The following CACNA1D variants were observed in gnomAD, a reference collection of about 807,000 sequenced individuals.
CACNA1D encodes the protein calcium voltage-gated channel subunit alpha1 D.
In CACNA1D, 55 loss-of-function variants were observed where a neutral mutation model predicts 257.1. That is an observed-to-expected ratio of 0.21 (90% CI 0.17 to 0.27). The LOEUF is 0.27. Ranked by LOEUF, CACNA1D falls within the 10% of genes least tolerant of loss-of-function variation. The probability of loss-of-function intolerance (pLI) is 1.00; values close to 1 mark genes in which losing one functional copy is unlikely to be tolerated. For synonymous variants in CACNA1D, 980 were observed against 1,014.9 expected, an observed-to-expected ratio of 0.97 and a Z score of 0.65; for missense variants, 1,876 against 2,784.0, an observed-to-expected ratio of 0.67 and a Z score of 7.34.
chr3:53,602,906 T>A (rs1029208554), intron 3 of CACNA1D, among the ~76,000 whole-genome samples: 2 of 152,272 alleles, frequency 1.3e-5, no homozygotes, highest in African/African-American at 4.8e-5. Context: ...CATTACCTAT[T>A]CACTTTGTTG....
At chr3:53,718,636 C>G in intron 10 of CACNA1D, 3 of 1,456,916 alleles carry the variant, frequency 2.1e-6, no homozygotes, top group Non-Finnish European at 1.9e-6. Context: ...AAGTAGAGCC[C>G]GTGAAGAATG....
At chr3:53,775,740 G>A (rs2095393717) in intron 34 of CACNA1D, 146 bp from the exon 35 acceptor site, 1 of 828,948 alleles carries the variant, frequency 1.2e-6, no homozygotes, top group East Asian at 2.4e-5. Context: ...AAAATCAGTA[G>A]GAATTTCACA....
At chr3:53,731,201 T>C in intron 17 of CACNA1D, 55 bp downstream of exon 17, 1 of 1,076,934 alleles carries the variant, frequency 9.3e-7, no homozygotes, top group Non-Finnish European at 1.4e-6. Flanking sequence ...CCTGTTGATC[T>C]CCATACATGT....
At chr3:53,642,020 A>G (rs1207052677) in intron 3 of CACNA1D, among the ~76,000 whole-genome samples, 1 of 152,180 alleles carries the variant, frequency 6.6e-6, no homozygotes. Flanking sequence ...AGGTGACAAA[A>G]ACTGAACCCA....
At chr3:53,517,022 C>T (rs1406782433) in intron 3 of CACNA1D, among the ~76,000 whole-genome samples, 5 of 152,254 alleles carry the variant, frequency 3.3e-5, no homozygotes, top group African/African-American at 7.2e-5. Flanking sequence ...AACTTTACTT[C>T]GTTGTGACCC....
intron 3 of CACNA1D, among the ~76,000 whole-genome samples, chr3:53,539,098 C>A (rs1411149657): frequency 6.6e-6 from 1 of 151,726 alleles, no homozygotes; most frequent in Non-Finnish European, 1.5e-5. Flanking sequence ...GATCATGCTT[C>A]CTGAATTTTT....
intron 8 of CACNA1D, among the ~76,000 whole-genome samples, chr3:53,677,330 T>G (rs1034170823): frequency 1.3e-5 from 2 of 152,242 alleles, no homozygotes; most frequent in Non-Finnish European, 2.9e-5. Context: ...CCGCGTTCAC[T>G]CTGGGACTTC....
chr3:53,676,344 G>C (rs186008977), intron 8 of CACNA1D, among the ~76,000 whole-genome samples: 74 of 151,230 alleles, frequency 4.9e-4, no homozygotes, highest in South Asian at 8.4e-4. Flanking sequence ...TGATATTTTT[G>C]TTGTTGTTTA....
intron 19 of CACNA1D, 113 bp downstream of exon 19, chr3:53,733,075 C>A: frequency 1.0e-6 from 1 of 996,832 alleles, no homozygotes; most frequent in Non-Finnish European, 1.5e-6. Context: ...CCTTTCTGAA[C>A]CTGAGTGTCC....
chr3:53,631,012 A>C (rs1377956844), intron 3 of CACNA1D, among the ~76,000 whole-genome samples: 1 of 152,232 alleles, frequency 6.6e-6, no homozygotes, highest in African/African-American at 2.4e-5. Context: ...GCAGGTCATA[A>C]TCTTTTTGGT....
At position 53,501,637 on chromosome 3, in the gene CACNA1D, T is replaced by C. The variant is rs1225836987; in HGVS notation, c.400T>C (p.Leu134=). 21 of 1,578,712 alleles carry C rather than the reference T, an allele frequency of 1.3e-5. No homozygotes were observed. Among genetic ancestry groups the C allele is most frequent in the Non-Finnish European group, 1.8e-5 (21 of 1,148,538 alleles). ...CAGACCATTTGACATATTTATATTATTGGCTATTTTTGCCAATTGTGTGGC... is the reference window on the plus strand; with the variant it reads ...CAGACCATTTGACATATTTATATTACTGGCTATTTTTGCCAATTGTGTGGC... ...EWKPFDIFIL[L]AIFANCVALA... Residue 134 remains leucine (L), a synonymous_variant, in exon 3 of 48, where the codon TTG becomes CTG. Coordinates refer to ENST00000350061, the MANE Select transcript of CACNA1D (RefSeq NM_001128840.3).
At chr3:53,663,110 G>A (rs1054485803) in intron 5 of CACNA1D, among the ~76,000 whole-genome samples, 2 of 152,148 alleles carry the variant, frequency 1.3e-5, no homozygotes, top group African/African-American at 4.8e-5. Context: ...TTGTAGCAAG[G>A]CAGGGTCGTG....
At chr3:53,730,939 T>G (rs1032388740) in intron 16 of CACNA1D, 138 bp from the exon 17 acceptor site, 9 of 661,360 alleles carry the variant, frequency 1.4e-5, no homozygotes, top group Non-Finnish European at 2.4e-5. Context: ...TGGGTTGTGC[T>G]AGGCTCTTGT....
rs528343145 is a variant in CACNA1D at position 53,800,490 on chromosome 3, G to A, written c.5040+125G>A. On this transcript the variant is annotated intron_variant, in intron 41 of 47. Transcript: ENST00000350061. This position sits in a 1 kb window ranked among gnomAD's most constrained non-coding sequence, Gnocchi z 4.3. Reference sequence around the variant, plus strand: ...CAGCCCATCCCCAGGGCCTAGAGGGGCTTTCAGACCACACCCTCCCCCTCT... The same window carrying A: ...CAGCCCATCCCCAGGGCCTAGAGGGACTTTCAGACCACACCCTCCCCCTCT... 8 of 782,496 alleles carry A rather than the reference G, an allele frequency of 1.0e-5. No homozygotes were observed. The highest frequency in any genetic ancestry group is 9.8e-5 in the East Asian group (4 of 40,886). 48.5% of individuals were successfully genotyped at this position (782,496 alleles called of 1,614,324 possible). A position where few individuals can be genotyped will look rare whatever the true frequency, so the allele number is the denominator to read the frequency against.
rs35146621 is a variant in CACNA1D, at chr3:53,772,790, G to A, written c.4045-43G>A. ...CTCAGGCTGTGGCGGGCCGTCACGG[G>A]GACAGCCGGCTGGTGCTGAGCCAAG... is the stretch of plus-strand genomic sequence containing the variant. On this transcript the variant is annotated intron_variant, in intron 32 of 47. Transcript: ENST00000350061. The A allele has an allele frequency of 0.25, 377,624 of 1,528,090 alleles. 49,345 individuals are homozygous for A. The highest frequency in any genetic ancestry group is 0.32 in the Middle Eastern group (1,907 of 5,910). The allele number at this position is 1,528,090 out of a possible 1,614,324, so 94.7% of individuals were successfully genotyped here. A position where few individuals can be genotyped will look rare whatever the true frequency, so the allele number is the denominator to read the frequency against.
At position 53,755,098 on chromosome 3, in the gene CACNA1D, G is replaced by C. The variant is rs190155141; in HGVS notation, c.3786+1416G>C. ...TTAATTTCCTTTGAGATTTTGGTTT[G>C]CTTCCCTCTCACCTTTACTTCTTTG... On this transcript the variant is annotated intron_variant, in intron 29 of 47. Coordinates refer to ENST00000350061, the MANE Select transcript of CACNA1D (RefSeq NM_001128840.3). Among the ~76,000 whole-genome samples, 657 of 152,192 alleles carry C rather than the reference G, an allele frequency of 4.3e-3. 4 individuals are homozygous for C. The highest frequency in any genetic ancestry group is 8.3e-3 in the Non-Finnish European group (567 of 68,006).
chr3:53,621,780 C>T (rs1412453881), intron 3 of CACNA1D, among the ~76,000 whole-genome samples: 3 of 151,998 alleles, frequency 2.0e-5, no homozygotes, highest in South Asian at 2.1e-4. Context: ...AATAAACAAG[C>T]GAGCGATTTT....
chr3:53,730,245 C>CTTTTGTTTTG (rs139366806), intron 15 of CACNA1D, among the ~76,000 whole-genome samples, 197 bp from the exon 16 acceptor site: 25 of 151,290 alleles, frequency 1.7e-4, no homozygotes, highest in African/African-American at 5.8e-4. Context: ...CAGGTTTTTA[C>CTTTTGTTTTG]TTTTGTTTTG....
intron 3 of CACNA1D, among the ~76,000 whole-genome samples, chr3:53,628,604 CT>C (rs771525288): frequency 1.3e-5 from 2 of 152,150 alleles, no homozygotes; most frequent in Non-Finnish European, 2.9e-5. Context: ...GGATCAGGTC[CT>C]TCAAGGTCTT....
Sources: gnomAD v4.1 joint callset for allele counts (sites outside exome capture counted in the v4.1 genomes callset) on GRCh38, gnomAD v4.1.1 for gene constraint, Gnocchi (gnomAD v3.1) non-coding constraint, MANE v1.5 for transcripts, NCBI Gene and HGNC (gene_info 2026-07-23, HGNC 2026-07-21) for gene names.